Variants in TPCN2 observed in about 807,000 individuals in gnomAD.
The protein encoded by TPCN2 is two pore segment channel 2.
In TPCN2, 92 loss-of-function variants were observed where a neutral mutation model predicts 111.4. The observed-to-expected ratio is 0.83, with a 90% CI of 0.70 to 0.98. The LOEUF is 0.98. Among genes scored for constraint, TPCN2 ranks in the 50% least tolerant of loss-of-function variants. The pLI, the probability that TPCN2 is intolerant of heterozygous loss-of-function variation, is 0.00. For synonymous variants in TPCN2, 405 were observed against 414.5 expected (o/e 0.98, Z 0.28); for missense variants, 995 against 980.1 (o/e 1.02, Z -0.20).
chr11:69,072,344 G>T (rs1410407385), intron 11 of TPCN2, among the ~76,000 whole-genome samples: 2 of 152,188 alleles, frequency 1.3e-5, no homozygotes, highest in African/African-American at 4.8e-5. Context: ...CGTGGGCCAG[G>T]TGTCCACACC....
intron 17 of TPCN2, among the ~76,000 whole-genome samples, chr11:69,081,028 T>A (rs1855983809): frequency 6.6e-6 from 1 of 151,880 alleles, no homozygotes; most frequent in Non-Finnish European, 1.5e-5. Flanking sequence ...GCAGGAGACA[T>A]GGGCTCACGC....
In TPCN2 at chr11:69,062,972, C is replaced by T. The variant is rs755559373; in HGVS notation, c.635C>T (p.Ser212Leu). The T allele has an allele frequency of 2.3e-5, 37 of 1,613,864 alleles. No individual in the cohort carries two copies. The highest frequency in any genetic ancestry group is 8.0e-5 in the African/African-American group (6 of 75,056). The change falls in exon 6 of 25, where the codon TCG (serine) becomes TTG (leucine). Residue 212 changes from serine to leucine, a missense_variant. Transcript: ENST00000294309. The part of the protein sequence containing the change: ...MKKTLKCIRW[S>L]LPEMASVGLL... ...AAGACCTTGAAATGCATCCGCTGGT[C>T]GCTGCCGGAAATGGCCAGGTGGGCT...
At chr11:69,072,165 A>G in intron 11 of TPCN2, 142 bp downstream of exon 11, 2 of 683,504 alleles carry the variant, frequency 2.9e-6, no homozygotes, top group South Asian at 1.9e-5. Flanking sequence ...GGAAACCACC[A>G]TGTCCCTGGC....
intron 1 of TPCN2, among the ~76,000 whole-genome samples, chr11:69,050,007 G>C (rs1334921631): frequency 2.0e-5 from 3 of 152,206 alleles, no homozygotes; most frequent in Non-Finnish European, 4.4e-5. Context: ...TCCCTCTCTG[G>C]CCTCTCTTTC....
chr11:69,053,437 C>T (rs1275600857), intron 1 of TPCN2, among the ~76,000 whole-genome samples: 1 of 152,104 alleles, frequency 6.6e-6, no homozygotes, highest in Non-Finnish European at 1.5e-5. Flanking sequence ...TGCCAGTTCT[C>T]CCTGTCACTG....
intron 1 of TPCN2, among the ~76,000 whole-genome samples, chr11:69,050,863 C>A (rs1758746412): frequency 6.6e-6 from 1 of 152,142 alleles, no homozygotes; most frequent in Admixed American, 6.5e-5. Flanking sequence ...GCAGGTGAGA[C>A]CCGCTCTGCT....
chr11:69,078,109 T>A (rs11607816), intron 13 of TPCN2, among the ~76,000 whole-genome samples: 5 of 151,918 alleles, frequency 3.3e-5, no homozygotes, highest in Non-Finnish European at 7.4e-5. Flanking sequence ...GGTTCTGTGC[T>A]GAGTTTCTGT....
chr11:69,068,319 C>T (rs1479655756), intron 8 of TPCN2, among the ~76,000 whole-genome samples: 8 of 141,114 alleles, frequency 5.7e-5, no homozygotes, highest in Non-Finnish European at 1.1e-4. Flanking sequence ...GCAGGGCCGT[C>T]TGAGTCCTAG....
intron 15 of TPCN2, 22 bp from the exon 16 acceptor site, chr11:69,078,863 ATGCTGGG>A (rs754981582): frequency 6.2e-7 from 1 of 1,614,026 alleles, no homozygotes; most frequent in Non-Finnish European, 8.5e-7. Context: ...CTGGGGCCCA[ATGCTGGG>A]TGCCTCTTCT....
intron 7 of TPCN2, among the ~76,000 whole-genome samples, chr11:69,064,253 C>T (rs1855158976): frequency 6.6e-6 from 1 of 151,708 alleles, no homozygotes; most frequent in Non-Finnish European, 1.5e-5. Context: ...CATCCTGACT[C>T]AGTTCCCCTA....
chr11:69,054,644 G>A (rs1239213142), intron 2 of TPCN2, 77 bp from the exon 3 acceptor site: 13 of 1,360,266 alleles, frequency 9.6e-6, no homozygotes, highest in Admixed American at 5.1e-5. Context: ...GGCCTGTCTC[G>A]TGTGTGGTGT....
At chr11:69,054,682 T>G (rs763929533) in intron 2 of TPCN2, 39 bp from the exon 3 acceptor site, 1 of 1,600,458 alleles carries the variant, frequency 6.2e-7, no homozygotes, top group Admixed American at 1.7e-5. Context: ...CCACCCTGCA[T>G]GCACCCATGT....
At chr11:69,057,543 GC>G (rs1854830178) in intron 4 of TPCN2, 34 bp from the exon 5 acceptor site, 2 of 1,586,502 alleles carry the variant, frequency 1.3e-6, no homozygotes, top group Admixed American at 3.3e-5. Flanking sequence ...AGCGTGTGGG[GC>G]TACTTGCTGC....
intron 5 of TPCN2, among the ~76,000 whole-genome samples, chr11:69,057,996 A>G (rs1854850781): frequency 6.6e-6 from 1 of 152,292 alleles, no homozygotes; most frequent in East Asian, 1.9e-4. Context: ...TCTCTAGCTG[A>G]AGGCCTCGGC....
intron 9 of TPCN2, 104 bp from the exon 10 acceptor site, chr11:69,071,252 A>T (rs1855523155): frequency 2.4e-6 from 2 of 850,874 alleles, no homozygotes; most frequent in African/African-American, 3.3e-5. Context: ...TTTCCATTTG[A>T]TAGGGGACGC....
chr11:69,049,558 C>G (rs916683100), intron 1 of TPCN2, among the ~76,000 whole-genome samples: 1 of 152,234 alleles, frequency 6.6e-6, no homozygotes, highest in Non-Finnish European at 1.5e-5. Flanking sequence ...CACAGAGAGG[C>G]GTTACCCTAC....
Position 69,063,898 on chromosome 11 carries a change from C to T in TPCN2, c.657C>T (p.Val219=), listed in dbSNP as rs146065176. Residue 219 remains valine, a synonymous_variant, in exon 7 of 25, where the codon GTC becomes GTT. Transcript: ENST00000294309. ...TGAGTGCCGTGCTCTCCCCCAGCGT[C>T]GGGCTGCTGCTGGCCATCCACCTGT... ...IRWSLPEMAS[V]GLLLAIHLCL... is the part of the protein sequence containing the mutation. 5.5e-5 allele frequency: 88 copies of T among 1,613,776 alleles called. No homozygotes were observed. The highest frequency in any genetic ancestry group is 4.7e-4 in the East Asian group (21 of 44,888).
In TPCN2 at chr11:69,063,886, CT is replaced by C; in HGVS notation, c.654-8del. On this transcript the variant is annotated splice_polypyrimidine_tract_variant and splice_region_variant and intron_variant, in intron 6 of 24. Coordinates refer to ENST00000294309, the MANE Select transcript of TPCN2 (RefSeq NM_139075.4). ...CCTGGCCCAGGCTGAGTGCCGTGCT[CT>C]CCCCCAGCGTCGGGCTGCTGCTGGC... 1.9e-6 allele frequency: 3 copies of C among 1,613,604 alleles called. No homozygotes were observed. The highest frequency in any genetic ancestry group is 1.7e-6 in the Non-Finnish European group (2 of 1,179,846).
At chr11:69,061,860 G>A (rs1054270640) in intron 5 of TPCN2, among the ~76,000 whole-genome samples, 1 of 44,880 alleles carries the variant, frequency 2.2e-5, no homozygotes, top group Non-Finnish European at 6.2e-5. Flanking sequence ...TGTGGGTGGT[G>A]TGGTGGCCGT....
Sources: allele counts gnomAD v4.1 joint callset (sites outside exome capture counted in the v4.1 genomes callset), GRCh38; gene constraint gnomAD v4.1.1; transcripts MANE v1.5; gene names NCBI Gene and HGNC (gene_info 2026-07-23, HGNC 2026-07-21).